The following COL12A1 variants were observed in gnomAD, a reference collection of about 807,000 sequenced individuals.
The protein encoded by COL12A1 is collagen type XII alpha 1 chain, also known as collagen alpha-1(XII) chain.
COL12A1 carries 114 observed loss-of-function variants against 349.7 expected under a neutral mutation model. The ratio of observed to expected loss-of-function variants is 0.33; its 90% CI spans 0.28 to 0.38. The LOEUF is 0.38. Ranked by LOEUF, COL12A1 falls within the 10% of genes least tolerant of loss-of-function variation. The pLI is 1.00. For missense variants in COL12A1, 3,284 were observed against 3,756.9 expected (o/e 0.87, Z 3.29); for synonymous variants, 1,369 against 1,329.0 (o/e 1.03, Z -0.66).
At chr6:75,127,274 A>G (rs920934803) in intron 38 of COL12A1, among the ~76,000 whole-genome samples, 1 of 152,154 alleles carries the variant, frequency 6.6e-6, no homozygotes, top group Non-Finnish European at 1.5e-5. Flanking sequence ...ATCTTGAGTC[A>G]TGTGAGTCTC....
chr6:75,204,814 G>A (rs1455073610), intron 1 of COL12A1, among the ~76,000 whole-genome samples: 1 of 151,954 alleles, frequency 6.6e-6, no homozygotes, highest in Non-Finnish European at 1.5e-5. Context: ...CGTGCGCGTC[G>A]CCTACCTCCT....
At chr6:75,152,592 C>T in intron 17 of COL12A1, 110 bp from the exon 18 acceptor site, 2 of 1,242,380 alleles carry the variant, frequency 1.6e-6, no homozygotes, top group Non-Finnish European at 2.3e-6. Context: ...TGTCTCAGTA[C>T]TATGGTCTAG....
intron 58 of COL12A1, among the ~76,000 whole-genome samples, chr6:75,100,349 C>T (rs550576297): frequency 4.1e-4 from 62 of 152,274 alleles, no homozygotes; most frequent in Admixed American, 1.4e-3. Flanking sequence ...AACAAGGCTT[C>T]GGTCGTAGCA....
At chr6:75,163,665 A>T (rs187646479) in intron 14 of COL12A1, among the ~76,000 whole-genome samples, 344 of 152,276 alleles carry the variant, frequency 2.3e-3, no homozygotes, top group Admixed American at 4.1e-3. Flanking sequence ...GTATAATTTT[A>T]AAAAAAGTTA....
rs560180665 is a variant in COL12A1 at position 75,087,685 on chromosome 6, G to A, written c.9073C>T (p.Pro3025Ser). The change falls in exon 65 of 66, where the codon CCC becomes TCC. Residue 3025 changes from proline to serine, a missense_variant. Transcript: ENST00000322507. ...GSTGSRGPPG[P>S]PGRPGNSGIR... The stretch of plus-strand genomic sequence containing the variant: ...CCTGAGTTTCCAGGACGGCCAGGGG[G>A]GCCAGGGGGACCTCTTGAACCTGTG... The A allele has an allele frequency of 6.2e-7, 1 of 1,610,242 alleles. No individual in the cohort carries two copies. The highest frequency in any genetic ancestry group is 2.2e-5 in the East Asian group (1 of 44,750).
chr6:75,149,094 T>C (rs1222918593), intron 21 of COL12A1, among the ~76,000 whole-genome samples: 2 of 152,168 alleles, frequency 1.3e-5, no homozygotes, highest in East Asian at 3.8e-4. Flanking sequence ...CAATCAAACC[T>C]CTTTCCTTTA....
Position 75,146,029 on chromosome 6 carries a change from TGCAGTATAATAG to T in COL12A1, c.4560+61_4560+72del, listed in dbSNP as rs1265202723. ...AGTTATAAATGAGTTTGTAAGTAAC[TGCAGTATAATAG>T]GCACTATAAAGCTATAAAGTCTTGG... On this transcript the variant is annotated intron_variant, in intron 24 of 65. Transcript: ENST00000322507. 4.4e-5 allele frequency: 61 copies of T among 1,385,944 alleles called. No individual in the cohort carries two copies. The East Asian group carries it at 1.5e-3, about 34-fold the overall frequency. The allele number at this position is 1,385,944 out of a possible 1,614,324, so 85.9% of individuals were successfully genotyped here.
chr6:75,147,905 T>C, intron 22 of COL12A1, 101 bp from the exon 23 acceptor site: 1 of 1,230,388 alleles, frequency 8.1e-7, no homozygotes, highest in Non-Finnish European at 1.1e-6. Context: ...TTAGAATCTA[T>C]ATTTCAATTA....
chr6:75,124,541 C>A (rs527618225), intron 40 of COL12A1, among the ~76,000 whole-genome samples, 170 bp from the exon 41 acceptor site: 4 of 152,116 alleles, frequency 2.6e-5, no homozygotes, highest in African/African-American at 7.2e-5. Context: ...GTGGTACTGC[C>A]AAAATAGACC....
intron 38 of COL12A1, among the ~76,000 whole-genome samples, chr6:75,127,117 C>A: frequency 6.6e-6 from 1 of 152,088 alleles, no homozygotes; most frequent in East Asian, 1.9e-4. Flanking sequence ...CAAAACATGA[C>A]TTTGGCCCTT....
chr6:75,088,869 C>T (rs1351127341), intron 64 of COL12A1, among the ~76,000 whole-genome samples: 1 of 151,828 alleles, frequency 6.6e-6, no homozygotes, highest in Admixed American at 6.6e-5. Context: ...GGCGTGGTGG[C>T]GGGCGCCTGT....
At chr6:75,136,772 G>A (rs917435519) in intron 31 of COL12A1, among the ~76,000 whole-genome samples, 1 of 152,074 alleles carries the variant, frequency 6.6e-6, no homozygotes, top group Non-Finnish European at 1.5e-5. Context: ...GTTCACAAAA[G>A]GCAAAGTTGT....
At chr6:75,088,415 T>C (rs1429909105) in intron 64 of COL12A1, among the ~76,000 whole-genome samples, 2 of 147,100 alleles carry the variant, frequency 1.4e-5, no homozygotes, top group Admixed American at 6.8e-5. Flanking sequence ...TGAAGACTAC[T>C]GGAAAAAACA....
At chr6:75,159,025 T>G (rs1767899129) in intron 14 of COL12A1, among the ~76,000 whole-genome samples, 1 of 151,934 alleles carries the variant, frequency 6.6e-6, no homozygotes, top group African/African-American at 2.4e-5. Context: ...AGAAGTGTAG[T>G]GAACCCCAAA....
In COL12A1 at chr6:75,090,952, A is replaced by C. The variant is rs1263480450; in HGVS notation, c.8752+371T>G. On this transcript the variant is annotated intron_variant, in intron 62 of 65. Coordinates refer to ENST00000322507, the MANE Select transcript of COL12A1 (RefSeq NM_004370.6). The surrounding 1 kb of genome is among the most constrained non-coding windows in gnomAD (Gnocchi z 4.1). Reference sequence around the variant, plus strand: ...TTAACAGGCCTTATGGAATAAGAAGAGCCTGTGAAAAACAGGCAAGAGAGA... The same window carrying C: ...TTAACAGGCCTTATGGAATAAGAAGCGCCTGTGAAAAACAGGCAAGAGAGA... Among the ~76,000 whole-genome samples, 1 of 152,212 alleles carries C rather than the reference A, an allele frequency of 6.6e-6. No individual in the cohort carries two copies. The highest frequency in any genetic ancestry group is 1.5e-5 in the Non-Finnish European group (1 of 68,040).
rs1767408517 is a variant in COL12A1, at chr6:75,084,956, GTT to G, written c.*1589_*1590del. ...GGCATGTTCTCTCTTTGCAGCTTTTGTTAACAAAGTATTTTGCAAGCATTTCA... is the reference window on the plus strand; with the variant it reads ...GGCATGTTCTCTCTTTGCAGCTTTTGAACAAAGTATTTTGCAAGCATTTCA... On this transcript the variant is annotated 3_prime_UTR_variant, in exon 66 of 66. Transcript: ENST00000322507. The G allele has an allele frequency of 3.6e-6, 1 of 276,858 alleles. No homozygotes were observed. Among genetic ancestry groups the G allele is most frequent in the East Asian group, 8.2e-5 (1 of 12,172 alleles). 17.2% of individuals were successfully genotyped at this position (276,858 alleles called of 1,614,324 possible). A position where few individuals can be genotyped will look rare whatever the true frequency, so the allele number is the denominator to read the frequency against.
chr6:75,168,757 T>A (rs1768454666), intron 13 of COL12A1, among the ~76,000 whole-genome samples: 1 of 152,198 alleles, frequency 6.6e-6, no homozygotes, highest in South Asian at 2.1e-4. Flanking sequence ...AGAGAAGCAT[T>A]TATTCGGGAG....
intron 38 of COL12A1, among the ~76,000 whole-genome samples, chr6:75,127,774 T>C (rs965221429): frequency 6.6e-6 from 1 of 152,154 alleles, no homozygotes; most frequent in Non-Finnish European, 1.5e-5. Flanking sequence ...CAGTATAGTG[T>C]AAAAATGGGT....
At chr6:75,128,239 C>A (rs564555616) in intron 38 of COL12A1, 57 bp downstream of exon 38, 9 of 1,453,874 alleles carry the variant, frequency 6.2e-6, no homozygotes, top group Middle Eastern at 1.8e-4. Flanking sequence ...ATAAAAGCAA[C>A]ATTAACATAT....
Sources: gnomAD v4.1 joint callset for allele counts (sites outside exome capture counted in the v4.1 genomes callset) on GRCh38, gnomAD v4.1.1 for gene constraint, Gnocchi (gnomAD v3.1) non-coding constraint, MANE v1.5 for transcripts, NCBI Gene and HGNC (gene_info 2026-07-23, HGNC 2026-07-21) for gene names.